The following OMA1 variants were observed in gnomAD, a reference collection of about 807,000 sequenced individuals.
OMA1 encodes the protein OMA1 zinc metallopeptidase, also known as metalloendopeptidase OMA1, mitochondrial.
Under a neutral mutation model 30.9 loss-of-function variants are expected in OMA1, and 38 were observed. The observed-to-expected ratio is 1.23, with a 90% CI of 0.95 to 1.61. OMA1 has a LOEUF of 1.61. Ranked by LOEUF, OMA1 falls within the 40% of genes most tolerant of loss-of-function variation. OMA1 has a pLI of 0.00. For synonymous variants in OMA1, 173 were observed against 121.9 expected, an observed-to-expected ratio of 1.42 and a Z score of -2.76; for missense variants, 461 against 349.2, an observed-to-expected ratio of 1.32 and a Z score of -2.55.
chr1:58,515,764 G>A (rs926122714), intron 7 of OMA1, among the ~76,000 whole-genome samples: 1 of 152,084 alleles, frequency 6.6e-6, no homozygotes, highest in Non-Finnish European at 1.5e-5. Flanking sequence ...AGAACTAAGG[G>A]TCTTCCTACT....
chr1:58,526,442 A>C (rs1338434990), intron 7 of OMA1, among the ~76,000 whole-genome samples: 2 of 152,036 alleles, frequency 1.3e-5, no homozygotes, highest in Non-Finnish European at 2.9e-5. Context: ...GCTTTCACTC[A>C]TTTTTTTAAA....
chr1:58,510,926 C>A (rs1435271188), intron 7 of OMA1, among the ~76,000 whole-genome samples: 7 of 151,810 alleles, frequency 4.6e-5, no homozygotes, highest in African/African-American at 1.7e-4. Flanking sequence ...AGGTGAAAGC[C>A]TTCTACACTA....
At chr1:58,538,213 G>T (rs1177463646) in intron 2 of OMA1, among the ~76,000 whole-genome samples, 1 of 152,074 alleles carries the variant, frequency 6.6e-6, no homozygotes, top group African/African-American at 2.4e-5. Context: ...GAGAAAAAGG[G>T]TTAAAGCACT....
intron 8 of OMA1, among the ~76,000 whole-genome samples, chr1:58,490,577 A>G (rs1171912253): frequency 6.6e-6 from 1 of 152,152 alleles, no homozygotes; most frequent in Non-Finnish European, 1.5e-5. Flanking sequence ...ATTCAAATTC[A>G]GGAAATACAG....
intron 8 of OMA1, among the ~76,000 whole-genome samples, chr1:58,487,691 A>C (rs966474240): frequency 2.0e-5 from 3 of 152,112 alleles, no homozygotes; most frequent in Non-Finnish European, 2.9e-5. Flanking sequence ...TTCTAAAGTA[A>C]TTTAGTAATT....
At chr1:58,508,305 A>T (rs938973900) in intron 7 of OMA1, among the ~76,000 whole-genome samples, 2 of 152,120 alleles carry the variant, frequency 1.3e-5, no homozygotes, top group Admixed American at 6.6e-5. Context: ...CATTTTTCCA[A>T]TTTAGGAAAA....
At chr1:58,534,791 C>T (rs1231223152) in intron 3 of OMA1, among the ~76,000 whole-genome samples, 1 of 152,116 alleles carries the variant, frequency 6.6e-6, no homozygotes, top group East Asian at 1.9e-4. Flanking sequence ...AAAAAATTAG[C>T]CAGGCGTGGT....
intron 6 of OMA1, 63 bp from the exon 7 acceptor site, chr1:58,527,398 CAGAG>C (rs1421093224): frequency 4.9e-6 from 4 of 810,946 alleles, no homozygotes; most frequent in East Asian, 2.4e-5. Flanking sequence ...AGGAGTAACA[CAGAG>C]AGATTTTTAA....
At chr1:58,535,403 T>C (rs1377674105) in intron 3 of OMA1, among the ~76,000 whole-genome samples, 1 of 152,084 alleles carries the variant, frequency 6.6e-6, no homozygotes, top group Non-Finnish European at 1.5e-5. Flanking sequence ...AAGACCATCC[T>C]GGCCAACACG....
At position 58,509,742 on chromosome 1, in the gene OMA1, CA is replaced by C. The variant is rs536693852; in HGVS notation, c.1216-3534del. 1.2e-3 allele frequency among the ~76,000 whole-genome samples: 184 copies of C among 151,110 alleles called. 1 individual carries two copies. Among genetic ancestry groups the C allele is most frequent in the African/African-American group, 4.4e-3 (180 of 41,264 alleles). On this transcript the variant is annotated intron_variant, in intron 7 of 8. Coordinates refer to ENST00000371226, the MANE Select transcript of OMA1 (RefSeq NM_145243.5). ...TTTGGGGAAAGATTTACAAAACTGA[CA>C]AGTCGTTAGAGTAAGAAAAAAAAAG...
intron 3 of OMA1, among the ~76,000 whole-genome samples, chr1:58,534,541 A>C (rs2100483110): frequency 6.6e-6 from 1 of 152,366 alleles, no homozygotes; most frequent in African/African-American, 2.4e-5. Context: ...TCTAATACTA[A>C]GTTTTTTTAT....
At position 58,539,241 on chromosome 1, in the gene OMA1, T is replaced by C; in HGVS notation, c.54A>G (p.Arg18=). ...TTCTCCAGTTAGACAGTGAATTAAA[T>C]CGGAAGAAAACATGGTTTCTAGCAG... ...QSAARNHVFF[R]FNSLSNWRKC... Residue 18 remains arginine (R), a synonymous_variant, in exon 2 of 9, where the codon CGA becomes CGG. Coordinates refer to ENST00000371226, the MANE Select transcript of OMA1 (RefSeq NM_145243.5). 1 of 870,588 alleles carries C rather than the reference T, an allele frequency of 1.1e-6. No homozygotes were observed. The highest frequency in any genetic ancestry group is 2.0e-6 in the Non-Finnish European group (1 of 501,152). 53.9% of individuals were successfully genotyped at this position (870,588 alleles called of 1,614,324 possible). A position where few individuals can be genotyped will look rare whatever the true frequency, so the allele number is the denominator to read the frequency against.
At chr1:58,500,753 ACCCAACAAAGAGGG>A (rs975187437) in intron 8 of OMA1, among the ~76,000 whole-genome samples, 8 of 152,144 alleles carry the variant, frequency 5.3e-5, no homozygotes, top group African/African-American at 1.9e-4. Context: ...CATACCCTTC[ACCCAACAAAGAGGG>A]GATGGTGGAG....
chr1:58,536,706 T>A lies in OMA1; in HGVS notation c.536A>T (p.Asn179Ile). Residue 179 changes from asparagine (N) to isoleucine (I), a missense_variant, in exon 3 of 9, where the codon AAC becomes ATC. Coordinates refer to ENST00000371226, the MANE Select transcript of OMA1 (RefSeq NM_145243.5). The stretch of plus-strand genomic sequence containing the variant: ...ATTTTCTTTAACTACTTCCTTCTTG[T>A]TAGGAGGAAGTGCCTGCCACCATTT... ...IRKWWQALPPNKKEVVKENIR... is the reference protein window; with the variant it reads ...IRKWWQALPPIKKEVVKENIR... 1.1e-6 allele frequency: 1 copy of A among 872,722 alleles called. No individual in the cohort carries two copies. The highest frequency in any genetic ancestry group is 1.3e-5 in the South Asian group (1 of 76,530). The allele number at this position is 872,722 out of a possible 1,614,324, so 54.1% of individuals were successfully genotyped here.
intron 8 of OMA1, among the ~76,000 whole-genome samples, chr1:58,504,589 G>A (rs1347676211): frequency 2.6e-5 from 4 of 152,034 alleles, no homozygotes; most frequent in Non-Finnish European, 4.4e-5. Flanking sequence ...TAACTAGAAT[G>A]TTAACTCCAA....
At chr1:58,515,294 T>C (rs1013180773) in intron 7 of OMA1, among the ~76,000 whole-genome samples, 3 of 152,204 alleles carry the variant, frequency 2.0e-5, no homozygotes, top group Non-Finnish European at 4.4e-5. Flanking sequence ...AGAAAACTTA[T>C]CAAAAATACT....
intron 7 of OMA1, among the ~76,000 whole-genome samples, chr1:58,517,045 A>C (rs1646168417): frequency 6.6e-6 from 1 of 152,242 alleles, no homozygotes; most frequent in African/African-American, 2.4e-5. Flanking sequence ...GTCCAAAAAA[A>C]GGATACAAGC....
intron 8 of OMA1, among the ~76,000 whole-genome samples, chr1:58,486,661 T>A (rs1421909518): frequency 2.0e-5 from 3 of 152,146 alleles, no homozygotes; most frequent in African/African-American, 7.2e-5. Context: ...TTTAGTTAAG[T>A]ACATGAAGAA....
At chr1:58,490,014 A>G (rs1375039728) in intron 8 of OMA1, among the ~76,000 whole-genome samples, 1 of 152,244 alleles carries the variant, frequency 6.6e-6, no homozygotes, top group African/African-American at 2.4e-5. Flanking sequence ...GAAAAACTGA[A>G]AATTCTAAAA....
Sources: gnomAD v4.1 joint callset for allele counts (sites outside exome capture counted in the v4.1 genomes callset) on GRCh38, gnomAD v4.1.1 for gene constraint, MANE v1.5 for transcripts, NCBI Gene and HGNC (gene_info 2026-07-23, HGNC 2026-07-21) for gene names.